The following IL2RA variants were observed in gnomAD, a reference collection of about 807,000 sequenced individuals.
IL2RA encodes interleukin-2 receptor subunit alpha.
IL2RA carries 24 observed loss-of-function variants against 37.8 expected under a neutral mutation model. The ratio of observed to expected loss-of-function variants is 0.63; its 90% CI spans 0.46 to 0.89. IL2RA has a LOEUF of 0.89. Ranked by LOEUF, IL2RA falls within the 40% of genes least tolerant of loss-of-function variation. The pLI is 0.00. For synonymous variants in IL2RA, 125 were observed against 114.6 expected, an observed-to-expected ratio of 1.09 and a Z score of -0.58; for missense variants, 319 against 348.6, an observed-to-expected ratio of 0.92 and a Z score of 0.68.
Position 6,033,226 on chromosome 10 carries a change from G to A in IL2RA, c.65-7201C>T, listed in dbSNP as rs1182597724. On this transcript the variant is annotated intron_variant, in intron 1 of 7. Transcript: ENST00000379959. This position sits in a 1 kb window ranked among gnomAD's most constrained non-coding sequence, Gnocchi z 4.3. The stretch of plus-strand genomic sequence containing the variant: ...ACCCTTTCTCTACTAAGGAGGCAGA[G>A]GTTGCAGTGAGCTGAGATCACGCCA... Among the ~76,000 whole-genome samples, 2 of 152,076 alleles carry A rather than the reference G, an allele frequency of 1.3e-5. No homozygotes were observed. Among genetic ancestry groups the A allele is most frequent in the East Asian group, 3.9e-4 (2 of 5,192 alleles).
rs554056243 is a variant in IL2RA, at chr10:6,017,983, G to A, written c.794+70C>T. On this transcript the variant is annotated intron_variant, in intron 7 of 7. Coordinates refer to ENST00000379959, the MANE Select transcript of IL2RA (RefSeq NM_000417.3). ...TAGAGAGAGCATGGAGGGGGTAGGG[G>A]GGAGGCAGGGTGGGGCTGGGTACAG... 6.4e-6 allele frequency: 8 copies of A among 1,242,504 alleles called. No individual in the cohort carries two copies. In the East Asian group the frequency reaches 9.6e-5, roughly 15 times the overall value. The allele number at this position is 1,242,504 out of a possible 1,614,324, so 77.0% of individuals were successfully genotyped here. A position where few individuals can be genotyped will look rare whatever the true frequency, so the allele number is the denominator to read the frequency against.
At position 6,021,390 on chromosome 10, in the gene IL2RA, T is replaced by G; in HGVS notation, c.583+88A>C. 9.1e-7 allele frequency: 1 copy of G among 1,099,996 alleles called. No individual in the cohort carries two copies. 68.1% of individuals were successfully genotyped at this position (1,099,996 alleles called of 1,614,324 possible). ...CAAGGGTCTTGTCCAAGGACCACTC[T>G]TGTCCAGCAGGAGTGGTCAGGGATT... On this transcript the variant is annotated intron_variant, in intron 4 of 7. Coordinates refer to ENST00000379959, the MANE Select transcript of IL2RA (RefSeq NM_000417.3). This position sits in a 1 kb window ranked among gnomAD's most constrained non-coding sequence, Gnocchi z 4.9.
At position 6,046,263 on chromosome 10, in the gene IL2RA, A is replaced by T. The variant is rs1388197030; in HGVS notation, c.64+15825T>A. 6.6e-6 allele frequency among the ~76,000 whole-genome samples: 1 copy of T among 152,232 alleles called. No homozygotes were observed. Among genetic ancestry groups the T allele is most frequent in the Non-Finnish European group, 1.5e-5 (1 of 68,042 alleles). ...ATCCAAATGTGGAAACACAGGGAGA[A>T]AACCATGGGAAGTGGGGAGCACTGA... On this transcript the variant is annotated intron_variant, in intron 1 of 7. Transcript: ENST00000379959. The surrounding 1 kb of genome is among the most constrained non-coding windows in gnomAD (Gnocchi z 4.8).
In IL2RA at chr10:6,018,612, C is replaced by T. The variant is rs1444492150; in HGVS notation, c.728-493G>A. ...ATGGCAGTGTTTCTGGAAGCCTGTC[C>T]TCTCTGACTGGCTACGTGGCTCCTT... On this transcript the variant is annotated intron_variant, in intron 6 of 7. Coordinates refer to ENST00000379959, the MANE Select transcript of IL2RA (RefSeq NM_000417.3). This position sits in a 1 kb window ranked among gnomAD's most constrained non-coding sequence, Gnocchi z 5.1. Among the ~76,000 whole-genome samples the T allele has an allele frequency of 2.0e-5, 3 of 152,126 alleles. No individual in the cohort carries two copies. The highest frequency in any genetic ancestry group is 4.4e-5 in the Non-Finnish European group (3 of 68,014).
At chr10:6,055,042 C>T (rs1194115361) in intron 1 of IL2RA, among the ~76,000 whole-genome samples, 2 of 152,106 alleles carry the variant, frequency 1.3e-5, no homozygotes, top group African/African-American at 2.4e-5. Context: ...AAAAGCAATG[C>T]GTATTTATTC....
At position 6,025,803 on chromosome 10, in the gene IL2RA, T is replaced by G. The variant is rs548359619; in HGVS notation, c.256+31A>C. 208 of 1,608,548 alleles carry G rather than the reference T, an allele frequency of 1.3e-4. 3 individuals are homozygous for G. Among genetic ancestry groups the G allele is most frequent in the South Asian group, 1.3e-3 (115 of 90,952 alleles). On this transcript the variant is annotated intron_variant, in intron 2 of 7. Coordinates refer to ENST00000379959, the MANE Select transcript of IL2RA (RefSeq NM_000417.3). This position sits in a 1 kb window ranked among gnomAD's most constrained non-coding sequence, Gnocchi z 4.4. ...GTCTCACTCTTTGCTGCAGTTCTTT[T>G]GTTCTTGGTAGTCACAGAAGGGACA...
intron 1 of IL2RA, among the ~76,000 whole-genome samples, chr10:6,037,683 C>A: frequency 6.6e-6 from 1 of 152,128 alleles, no homozygotes; most frequent in South Asian, 2.1e-4. Flanking sequence ...GTGTCAGAGA[C>A]CCGAATCTTC....
At chr10:6,039,079 A>G (rs1464924261) in intron 1 of IL2RA, among the ~76,000 whole-genome samples, 2 of 152,240 alleles carry the variant, frequency 1.3e-5, no homozygotes, top group African/African-American at 2.4e-5. Context: ...TATGATGTTT[A>G]TAAGAGACAT....
chr10:6,030,983 A>T (rs1489573017), intron 1 of IL2RA, among the ~76,000 whole-genome samples: 1 of 152,108 alleles, frequency 6.6e-6, no homozygotes, highest in Non-Finnish European at 1.5e-5. Flanking sequence ...TACCACAAAG[A>T]GTGTAGCTAA....
In IL2RA at chr10:6,020,119, G is replaced by A. The variant is rs749242404; in HGVS notation, c.584-178C>T. On this transcript the variant is annotated intron_variant, in intron 4 of 7. Transcript: ENST00000379959. This position sits in a 1 kb window ranked among gnomAD's most constrained non-coding sequence, Gnocchi z 5.6. ...TTCCACAGCAGGGGCACTGGGAAGC[G>A]GTGAAGTGGTCTCAGCAGAGCAGAC... Among the ~76,000 whole-genome samples the A allele has an allele frequency of 1.3e-5, 2 of 152,178 alleles. No individual in the cohort carries two copies. Among genetic ancestry groups the A allele is most frequent in the Admixed American group, 6.5e-5 (1 of 15,274 alleles).
Position 6,011,228 on chromosome 10 carries a change from G to T in IL2RA, c.*1644C>A. On this transcript the variant is annotated 3_prime_UTR_variant, in exon 8 of 8. Coordinates refer to ENST00000379959, the MANE Select transcript of IL2RA (RefSeq NM_000417.3). The surrounding 1 kb of genome is among the most constrained non-coding windows in gnomAD (Gnocchi z 5.2). ...AATGTTGACTCAACTGATTCGTGAG[G>T]GGAGATCTTGCACCAGATATGGAAC... 6.6e-6 allele frequency: 1 copy of T among 152,414 alleles called. No individual in the cohort carries two copies. The allele number at this position is 152,414 out of a possible 1,614,324, so 9.4% of individuals were successfully genotyped here.
chr10:6,043,744 T>C (rs1432150151), intron 1 of IL2RA, among the ~76,000 whole-genome samples: 1 of 152,208 alleles, frequency 6.6e-6, no homozygotes, highest in African/African-American at 2.4e-5. Flanking sequence ...GACAAGAGCA[T>C]GTATTTAAAA....
chr10:6,027,095 G>A (rs1372451066), intron 1 of IL2RA, among the ~76,000 whole-genome samples: 1 of 152,192 alleles, frequency 6.6e-6, no homozygotes, highest in Non-Finnish European at 1.5e-5. Flanking sequence ...GCCAAGGCGG[G>A]TAGATCACAT....
In IL2RA at chr10:6,029,953, C is replaced by T. The variant is rs1839550512; in HGVS notation, c.65-3928G>A. On this transcript the variant is annotated intron_variant, in intron 1 of 7. Transcript: ENST00000379959. The surrounding 1 kb of genome is among the most constrained non-coding windows in gnomAD (Gnocchi z 4.6). ...TTCCTGACCTCAGATGATCCACCTG[C>T]CTTGGCCTCCCAAAGTGCTGGGATT... Among the ~76,000 whole-genome samples the T allele has an allele frequency of 6.6e-6, 1 of 152,200 alleles. No individual in the cohort carries two copies. The highest frequency in any genetic ancestry group is 2.4e-5 in the African/African-American group (1 of 41,440).
In IL2RA at chr10:6,044,926, A is replaced by T. The variant is rs1839826909; in HGVS notation, c.64+17162T>A. Among the ~76,000 whole-genome samples, 2 of 152,226 alleles carry T rather than the reference A, an allele frequency of 1.3e-5. No individual in the cohort carries two copies. Among genetic ancestry groups the T allele is most frequent in the Non-Finnish European group, 2.9e-5 (2 of 68,040 alleles). On this transcript the variant is annotated intron_variant, in intron 1 of 7. Coordinates refer to ENST00000379959, the MANE Select transcript of IL2RA (RefSeq NM_000417.3). This position sits in a 1 kb window ranked among gnomAD's most constrained non-coding sequence, Gnocchi z 4.5. ...ACCCATTGATTGGTTCATTCAAGCA[A>T]ACATTCACCTTCCTTGTTTCATTCA...
At chr10:6,023,676 G>A (rs1839427443) in intron 3 of IL2RA, among the ~76,000 whole-genome samples, 1 of 152,208 alleles carries the variant, frequency 6.6e-6, no homozygotes. Context: ...TTCAGTCGTG[G>A]GAAAGCAGAG....
intron 1 of IL2RA, among the ~76,000 whole-genome samples, chr10:6,061,106 T>C (rs899101217): frequency 1.3e-5 from 2 of 152,084 alleles, no homozygotes; most frequent in African/African-American, 2.4e-5. Context: ...AAAAAAATAT[T>C]GGCCAGGCAC....
rs149027207 is a variant in IL2RA at position 6,021,319 on chromosome 10, T to C, written c.583+159A>G. Reference sequence around the variant, plus strand: ...TCCATCTGATCTGGTCTATTTAAATTTTTTTTTTTTTCTCAGAATGAGAAA... The same window carrying C: ...TCCATCTGATCTGGTCTATTTAAATCTTTTTTTTTTTCTCAGAATGAGAAA... On this transcript the variant is annotated intron_variant, in intron 4 of 7. Transcript: ENST00000379959. This position sits in a 1 kb window ranked among gnomAD's most constrained non-coding sequence, Gnocchi z 4.9. 6.8e-3 allele frequency among the ~76,000 whole-genome samples: 3 copies of C among 442 alleles called. No homozygotes were observed. The highest frequency in any genetic ancestry group is 7.8e-3 in the African/African-American group (3 of 384). 0.3% of individuals were successfully genotyped at this position (442 alleles called of 152,430 possible). A position where few individuals can be genotyped will look rare whatever the true frequency, so the allele number is the denominator to read the frequency against.
At chr10:6,024,386 T>G (rs1839444512) in intron 2 of IL2RA, 32 bp from the exon 3 acceptor site, 2 of 1,444,654 alleles carry the variant, frequency 1.4e-6, no homozygotes, top group Non-Finnish European at 2.0e-6. Context: ...ATGCAGATAA[T>G]TTCACAAATG....
Sources: gnomAD v4.1 joint callset for allele counts (sites outside exome capture counted in the v4.1 genomes callset) on GRCh38, gnomAD v4.1.1 for gene constraint, Gnocchi (gnomAD v3.1) non-coding constraint, MANE v1.5 for transcripts, NCBI Gene and HGNC (gene_info 2026-07-23, HGNC 2026-07-21) for gene names.